The following GRM7 variants were observed in gnomAD, a reference collection of about 807,000 sequenced individuals.
GRM7 encodes the protein glutamate metabotropic receptor 7, also known as metabotropic glutamate receptor 7.
A neutral mutation model predicts 84.5 loss-of-function variants in GRM7; 35 were observed. The observed-to-expected ratio is 0.41, with a 90% confidence interval of 0.32 to 0.55. The LOEUF is 0.55. Ranked by LOEUF, GRM7 falls within the 20% of genes least tolerant of loss-of-function variation. The pLI is 0.19. For missense variants in GRM7, 1,003 were observed against 1,194.6 expected (o/e 0.84, Z 2.36); for synonymous variants, 487 against 455.1 (o/e 1.07, Z -0.89).
At chr3:7,728,136 T>C (rs879186787) in intron 9 of GRM7, among the ~76,000 whole-genome samples, 11 of 152,060 alleles carry the variant, frequency 7.2e-5, no homozygotes, top group Non-Finnish European at 1.5e-4. Flanking sequence ...CTTCTCACAT[T>C]AAAAACAAAG....
chr3:7,413,962 T>A (rs1004102460), intron 4 of GRM7, among the ~76,000 whole-genome samples: 8 of 152,128 alleles, frequency 5.3e-5, no homozygotes, highest in Non-Finnish European at 7.4e-5. Context: ...ATAGGATGGG[T>A]GTCAGAAACC....
chr3:7,173,029 GA>G (rs1695035793), intron 2 of GRM7, among the ~76,000 whole-genome samples: 1 of 152,058 alleles, frequency 6.6e-6, no homozygotes. Flanking sequence ...AACCTCAGAA[GA>G]GTCTTATAGG....
intron 3 of GRM7, 80 bp downstream of exon 3, chr3:7,298,905 G>A (rs1575136431): frequency 8.0e-7 from 1 of 1,250,924 alleles, no homozygotes; most frequent in East Asian, 2.3e-5. Flanking sequence ...GGCTGAGACA[G>A]GAAAAGATAG....
intron 6 of GRM7, among the ~76,000 whole-genome samples, chr3:7,459,204 G>C (rs536729434): frequency 6.6e-6 from 1 of 152,282 alleles, no homozygotes; most frequent in African/African-American, 2.4e-5. Flanking sequence ...TCAAATTGGT[G>C]GGACCAAAGC....
chr3:7,614,688 AT>A lies in GRM7; in HGVS notation c.2451+35338del, dbSNP rs1200153722. On this transcript the variant is annotated intron_variant, in intron 8 of 9. Coordinates refer to ENST00000357716, the MANE Select transcript of GRM7 (RefSeq NM_000844.4). Reference sequence around the variant, plus strand: ...CTCTTCCACATTAACCTGTTAGACAATTTTTTTAGTTACTCTGACAATTACA... The same window carrying A: ...CTCTTCCACATTAACCTGTTAGACAATTTTTTAGTTACTCTGACAATTACA... 3.3e-5 allele frequency among the ~76,000 whole-genome samples: 5 copies of A among 152,198 alleles called. No individual in the cohort carries two copies. The East Asian group carries it at 7.7e-4, about 24-fold the overall frequency.
At chr3:7,701,369 CG>C in intron 9 of GRM7, among the ~76,000 whole-genome samples, 1 of 145,076 alleles carries the variant, frequency 6.9e-6, no homozygotes, top group Admixed American at 7.1e-5. Context: ...GGCACGATCT[CG>C]GCTCACTACA....
chr3:7,568,973 G>A (rs901386195), intron 7 of GRM7, among the ~76,000 whole-genome samples: 26 of 152,194 alleles, frequency 1.7e-4, no homozygotes, highest in African/African-American at 5.8e-4. Context: ...GGGCTGAGGA[G>A]TGCGGGCGCA....
At chr3:7,216,452 G>C (rs1313186829) in intron 2 of GRM7, among the ~76,000 whole-genome samples, 1 of 152,138 alleles carries the variant, frequency 6.6e-6, no homozygotes, top group Non-Finnish European at 1.5e-5. Context: ...TCAAAATAAA[G>C]TAGTACATCC....
At chr3:7,365,643 G>A (rs1238286260) in intron 4 of GRM7, among the ~76,000 whole-genome samples, 69 of 81,572 alleles carry the variant, frequency 8.5e-4, no homozygotes, top group African/African-American at 2.6e-3. Context: ...GTGTGTGCGT[G>A]TGTGTATATA....
intron 8 of GRM7, among the ~76,000 whole-genome samples, chr3:7,639,560 A>T (rs1488340252): frequency 6.6e-6 from 1 of 152,130 alleles, no homozygotes; most frequent in East Asian, 1.9e-4. Flanking sequence ...TTCAAGGCCC[A>T]TTTTAATATT....
chr3:6,956,583 C>G (rs1368356461), intron 1 of GRM7: 1 of 456,570 alleles, frequency 2.2e-6, no homozygotes, highest in Non-Finnish European at 4.4e-6. Flanking sequence ...GCCCTTCTAT[C>G]CTGTCTCAGT....
intron 2 of GRM7, among the ~76,000 whole-genome samples, chr3:7,184,238 C>T (rs565632010): frequency 5.3e-5 from 8 of 152,220 alleles, no homozygotes; most frequent in African/African-American, 1.7e-4. Context: ...CTATTCCCTT[C>T]TCCGAAAAAG....
intron 7 of GRM7, among the ~76,000 whole-genome samples, chr3:7,522,018 A>T (rs751043760): frequency 3.9e-5 from 6 of 151,930 alleles, no homozygotes; most frequent in African/African-American, 1.5e-4. Context: ...CTTGGGCTTT[A>T]CCCTGGAAAG....
At chr3:7,153,665 A>AG (rs1295689538) in intron 2 of GRM7, among the ~76,000 whole-genome samples, 1 of 152,120 alleles carries the variant, frequency 6.6e-6, no homozygotes, top group East Asian at 1.9e-4. Context: ...ACTTTATAGG[A>AG]GGGAAAAAAG....
At chr3:6,898,133 G>T (rs1396920496) in intron 1 of GRM7, among the ~76,000 whole-genome samples, 1 of 152,204 alleles carries the variant, frequency 6.6e-6, no homozygotes, top group Non-Finnish European at 1.5e-5. Context: ...AGAGCTGGAT[G>T]GAGAAAGAAT....
chr3:7,078,185 A>G lies in GRM7; in HGVS notation c.520-68267A>G, dbSNP rs73112881. Among the ~76,000 whole-genome samples, 977 of 152,272 alleles carry G rather than the reference A, an allele frequency of 6.4e-3. 9 individuals are homozygous for G. The highest frequency in any genetic ancestry group is 0.023 in the African/African-American group (944 of 41,550). ...ATATCAGTTCTGTTGTCAGCCATGT[A>G]TCAGGTATACAAACTCTCCTAGGCT... is the stretch of plus-strand genomic sequence containing the variant. On this transcript the variant is annotated intron_variant, in intron 1 of 9. Transcript: ENST00000357716.
intron 8 of GRM7, among the ~76,000 whole-genome samples, chr3:7,614,869 T>G (rs902591793): frequency 6.6e-6 from 1 of 152,192 alleles, no homozygotes; most frequent in African/African-American, 2.4e-5. Context: ...TCAGTATTAT[T>G]GCAAAATAGA....
At chr3:7,384,828 A>C (rs1481300116) in intron 4 of GRM7, among the ~76,000 whole-genome samples, 1 of 152,188 alleles carries the variant, frequency 6.6e-6, no homozygotes, top group African/African-American at 2.4e-5. Flanking sequence ...GGCATCTATC[A>C]GCTTTGCCTG....
intron 1 of GRM7, among the ~76,000 whole-genome samples, chr3:6,877,319 C>T (rs1407889043): frequency 6.6e-6 from 1 of 152,148 alleles, no homozygotes; most frequent in Admixed American, 6.5e-5. Flanking sequence ...TCATAGGCAC[C>T]TTGACGCCAG....
Sources: allele counts gnomAD v4.1 joint callset (sites outside exome capture counted in the v4.1 genomes callset), GRCh38; gene constraint gnomAD v4.1.1; transcripts MANE v1.5; gene names NCBI Gene and HGNC (gene_info 2026-07-23, HGNC 2026-07-21).